Variants in GK observed in about 807,000 individuals in gnomAD.
GK encodes ATP:glycerol 3-phosphotransferase.
GK carries 9 observed loss-of-function variants against 56.4 expected under a neutral mutation model. The observed-to-expected ratio is 0.16, with a 90% CI of 0.10 to 0.28. The LOEUF (loss-of-function observed/expected upper bound fraction) is 0.28. Ranked by LOEUF, GK falls within the 10% of genes least tolerant of loss-of-function variation. The pLI is 1.00. For synonymous variants in GK, 104 were observed against 144.1 expected (o/e 0.72, Z 1.99); for missense variants, 161 against 431.4 (o/e 0.37, Z 5.55).
At chrX:30,681,851 T>A (rs1272667002) in intron 4 of GK, among the ~76,000 whole-genome samples, 1 of 111,354 alleles carries the variant, frequency 9.0e-6, no homozygotes, top group African/African-American at 3.3e-5. Flanking sequence ...AGTGAAAAAA[T>A]TATTAAGAAA....
intron 9 of GK, among the ~76,000 whole-genome samples, chrX:30,698,704 A>AAG (rs1203135461): frequency 9.5e-6 from 1 of 105,539 alleles, no homozygotes; most frequent in Non-Finnish European, 2.0e-5. Context: ...TCCGTCTCAA[A>AAG]AAAAAAAAAA....
chrX:30,676,285 G>A (rs749533800), intron 3 of GK, among the ~76,000 whole-genome samples: 5 of 111,795 alleles, frequency 4.5e-5, no homozygotes, highest in Non-Finnish European at 3.8e-5. Flanking sequence ...TTTCCAGTCT[G>A]GTGGATTTAC....
rs752736589 is a variant in GK, at chrX:30,704,128, T to TTATATATATATATATATATATA, written c.851+3244_851+3245insATATATATATATATATATATAT. 3.9e-3 allele frequency among the ~76,000 whole-genome samples: 293 copies of TTATATATATATATATATATATA among 74,867 alleles called. 10 individuals are homozygous for TTATATATATATATATATATATA. Among genetic ancestry groups the TTATATATATATATATATATATA allele is most frequent in the South Asian group, 0.011 (15 of 1,401 alleles). 65.0% of individuals were successfully genotyped at this position (74,867 alleles called of 115,157 possible). A position where few individuals can be genotyped will look rare whatever the true frequency, so the allele number is the denominator to read the frequency against. Reference sequence around the variant, plus strand: ...CAGAAAAACAATGCAGTTATTCATTTTATATATATATATATATATATGAGA... The same window carrying TTATATATATATATATATATATA: ...CAGAAAAACAATGCAGTTATTCATTTTATATATATATATATATATATATATATATATATATATATATATGAGA... On this transcript the variant is annotated intron_variant, in intron 11 of 20. Transcript: ENST00000427190.
At chrX:30,692,981 A>C (rs1470082774) in intron 5 of GK, among the ~76,000 whole-genome samples, 1 of 69,573 alleles carries the variant, frequency 1.4e-5, no homozygotes, top group Non-Finnish European at 3.0e-5. Flanking sequence ...TAGTTGCATT[A>C]TTTTTGTGTA....
intron 20 of GK, 37 bp downstream of exon 20, chrX:30,727,589 A>G (rs1937191261): frequency 1.2e-6 from 1 of 844,438 alleles, no homozygotes; most frequent in Non-Finnish European, 1.8e-6. Context: ...TCTATTAGTT[A>G]GCTTTAATGT....
At chrX:30,703,133 AG>A (rs1388258205) in intron 11 of GK, among the ~76,000 whole-genome samples, 2 of 112,144 alleles carry the variant, frequency 1.8e-5, no homozygotes, top group Admixed American at 1.9e-4. Flanking sequence ...GCAGTATTGG[AG>A]GGTACAGGGA....
intron 13 of GK, among the ~76,000 whole-genome samples, chrX:30,709,807 G>A (rs943785567): frequency 9.0e-6 from 1 of 110,937 alleles, no homozygotes; most frequent in African/African-American, 3.3e-5. Context: ...AACCTAGCTC[G>A]TTTTCAAATG....
rs1407269888 is a variant in GK at position 30,653,522 on chromosome X, A to T, written c.-16A>T. 1 of 1,207,643 alleles carries T rather than the reference A, an allele frequency of 8.3e-7. No homozygotes were observed. The highest frequency in any genetic ancestry group is 1.1e-6 in the Non-Finnish European group (1 of 891,607). ...GGAAACCGGCCGCAATCGCCGGCCG[A>T]CCTGAAGCTGGTTTCATGGCAGCCT... On this transcript the variant is annotated 5_prime_UTR_variant, in exon 1 of 21. Coordinates refer to ENST00000427190, the MANE Select transcript of GK (RefSeq NM_001205019.2).
intron 11 of GK, among the ~76,000 whole-genome samples, chrX:30,703,605 T>C (rs1935810397): frequency 8.9e-6 from 1 of 111,811 alleles, no homozygotes; most frequent in Admixed American, 9.5e-5. Flanking sequence ...AGAGCGTGTT[T>C]GTGGTGCTGG....
intron 8 of GK, 177 bp downstream of exon 8, chrX:30,696,860 A>T: frequency 2.2e-6 from 1 of 452,737 alleles, no homozygotes; most frequent in Non-Finnish European, 3.9e-6. Context: ...ATGGATTTGC[A>T]TTTATAAACT....
intron 2 of GK, among the ~76,000 whole-genome samples, chrX:30,666,618 T>TTA (rs1259245826): frequency 8.9e-6 from 1 of 112,150 alleles, no homozygotes; most frequent in Non-Finnish European, 1.9e-5. Flanking sequence ...ACTGTAAAGT[T>TTA]TACTTCAATT....
At chrX:30,692,755 C>T (rs955258377) in intron 5 of GK, among the ~76,000 whole-genome samples, 5 of 109,491 alleles carry the variant, frequency 4.6e-5, no homozygotes, top group Non-Finnish European at 9.5e-5. Context: ...CCACCGCGCC[C>T]GGCCTCCTTC....
At chrX:30,687,287 G>A (rs903900617) in intron 4 of GK, among the ~76,000 whole-genome samples, 2 of 111,532 alleles carry the variant, frequency 1.8e-5, no homozygotes, top group African/African-American at 6.5e-5. Context: ...TCCTAAACAA[G>A]AAGCAGGTAT....
intron 3 of GK, among the ~76,000 whole-genome samples, chrX:30,672,490 C>G (rs759855505): frequency 1.2e-4 from 14 of 112,028 alleles, no homozygotes; most frequent in Non-Finnish European, 2.3e-4. Flanking sequence ...TAACCCACCT[C>G]AAGTACACAT....
intron 11 of GK, among the ~76,000 whole-genome samples, chrX:30,703,599 C>A (rs941812204): frequency 9.0e-6 from 1 of 111,600 alleles, no homozygotes; most frequent in Non-Finnish European, 1.9e-5. Context: ...CTGTTCAGAG[C>A]GTGTTTGTGG....
intron 18 of GK, chrX:30,721,954 A>G (rs1936929012): frequency 8.9e-6 from 1 of 112,607 alleles, no homozygotes; most frequent in Admixed American, 9.4e-5. Flanking sequence ...TGCATAAAAT[A>G]GCATCAGCTG....
rs34795481 is a variant in GK, at chrX:30,668,024, G to A, written c.165G>A (p.Gln55=). 0.064 allele frequency: 69,197 copies of A among 1,089,656 alleles called. 1,886 individuals are homozygous for A. The highest frequency in any genetic ancestry group is 0.074 in the Non-Finnish European group (57,927 of 785,504). 89.8% of individuals were successfully genotyped at this position (1,089,656 alleles called of 1,213,427 possible). A position where few individuals can be genotyped will look rare whatever the true frequency, so the allele number is the denominator to read the frequency against. Residue 55 remains glutamine, a synonymous_variant, in exon 3 of 21, where the codon CAG becomes CAA. Transcript: ENST00000427190. ...CTTTTGTTCAAAGATGGGTGGAACAGGACCCTAAGGAAATTCTACATTCTG... is the reference window on the plus strand; with the variant it reads ...CTTTTGTTCAAAGATGGGTGGAACAAGACCCTAAGGAAATTCTACATTCTG... The part of the protein sequence containing the change: ...QEFPREGWVE[Q]DPKEILHSVY...
intron 6 of GK, chrX:30,694,997 CT>C: frequency 3.7e-6 from 1 of 270,587 alleles, no homozygotes. Context: ...TATTTAGAAT[CT>C]TTTTGCCTAA....
At chrX:30,675,553 A>G (rs1933833972) in intron 3 of GK, among the ~76,000 whole-genome samples, 1 of 94,409 alleles carries the variant, frequency 1.1e-5, no homozygotes. Context: ...GGATCTAACT[A>G]TGTTGCCCAG....
Sources: gnomAD v4.1 joint callset for allele counts (sites outside exome capture counted in the v4.1 genomes callset) on GRCh38, gnomAD v4.1.1 for gene constraint, MANE v1.5 for transcripts, NCBI Gene and HGNC (gene_info 2026-07-23, HGNC 2026-07-21) for gene names.